The following NDST4 variants were observed in gnomAD, a reference collection of about 807,000 sequenced individuals.
NDST4 encodes the protein N-deacetylase and N-sulfotransferase 4.
In NDST4, 63 loss-of-function variants were observed where a neutral mutation model predicts 100.8. The observed-to-expected ratio is 0.62, with a 90% CI of 0.51 to 0.77. The LOEUF is 0.77. Among genes scored for constraint, NDST4 ranks in the 30% least tolerant of loss-of-function variants. NDST4 has a pLI of 0.00. For synonymous variants in NDST4, 377 were observed against 361.8 expected (o/e 1.04, Z -0.48); for missense variants, 943 against 1,018.4 (o/e 0.93, Z 1.01).
At chr4:114,891,454 G>A (rs1337334854) in intron 6 of NDST4, among the ~76,000 whole-genome samples, 1 of 151,906 alleles carries the variant, frequency 6.6e-6, no homozygotes, top group Admixed American at 6.6e-5. Flanking sequence ...TCCTCCACCA[G>A]ATCAGCCAGT....
intron 2 of NDST4, among the ~76,000 whole-genome samples, chr4:114,981,811 T>TCATG (rs1726780110): frequency 6.6e-6 from 1 of 152,208 alleles, no homozygotes; most frequent in Non-Finnish European, 1.5e-5. Context: ...ATGTGCATAT[T>TCATG]CACATTTTGA....
At chr4:115,018,507 A>G (rs1005331666) in intron 2 of NDST4, among the ~76,000 whole-genome samples, 1 of 151,930 alleles carries the variant, frequency 6.6e-6, no homozygotes, top group African/African-American at 2.4e-5. Context: ...TTTGTTCACC[A>G]ATAGAGTAAA....
At chr4:115,098,408 T>C (rs1467119019) in intron 1 of NDST4, among the ~76,000 whole-genome samples, 1 of 152,132 alleles carries the variant, frequency 6.6e-6, no homozygotes, top group African/African-American at 2.4e-5. Context: ...AGCCAGCAGG[T>C]AGGAGACCAG....
chr4:115,089,411 CTG>C (rs1377756912), intron 1 of NDST4, among the ~76,000 whole-genome samples: 1 of 151,580 alleles, frequency 6.6e-6, no homozygotes, highest in African/African-American at 2.4e-5. Flanking sequence ...AGTTTCATAA[CTG>C]TAAGTTTGCT....
intron 2 of NDST4, among the ~76,000 whole-genome samples, chr4:115,052,156 G>T (rs1187306961): frequency 1.3e-5 from 2 of 151,960 alleles, no homozygotes; most frequent in African/African-American, 4.8e-5. Flanking sequence ...TGAGCTTCCC[G>T]AATATTGATA....
intron 2 of NDST4, among the ~76,000 whole-genome samples, chr4:115,028,566 CAAA>C (rs557583232): frequency 0.046 from 6,029 of 130,498 alleles, 413 homozygotes; most frequent in African/African-American, 0.15. Context: ...AAGAGAATAC[CAAA>C]AAAAAAAAAA....
chr4:114,876,446 T>TATTATTGTG (rs1208470946), intron 6 of NDST4, among the ~76,000 whole-genome samples: 31 of 152,168 alleles, frequency 2.0e-4, no homozygotes, highest in African/African-American at 7.5e-4. Flanking sequence ...TGTCTTTATT[T>TATTATTGTG]TATTCTAAAA....
intron 1 of NDST4, among the ~76,000 whole-genome samples, chr4:115,099,550 G>A (rs889139112): frequency 5.3e-5 from 8 of 152,102 alleles, no homozygotes; most frequent in African/African-American, 1.9e-4. Flanking sequence ...TGGCCATTTA[G>A]GATATGAGAA....
chr4:114,904,599 C>T (rs986334005), intron 6 of NDST4, among the ~76,000 whole-genome samples: 1 of 151,676 alleles, frequency 6.6e-6, no homozygotes, highest in Admixed American at 6.6e-5. Flanking sequence ...GTTTTTGTTG[C>T]ATAGATACTA....
At chr4:114,945,082 G>A (rs1351209869) in intron 4 of NDST4, among the ~76,000 whole-genome samples, 1 of 151,932 alleles carries the variant, frequency 6.6e-6, no homozygotes, top group Admixed American at 6.6e-5. Flanking sequence ...GGTGGCACAT[G>A]CCTGTAATCC....
At chr4:114,979,084 G>T (rs1325349985) in intron 2 of NDST4, among the ~76,000 whole-genome samples, 1 of 151,748 alleles carries the variant, frequency 6.6e-6, no homozygotes, top group Non-Finnish European at 1.5e-5. Context: ...ATGTACTCTG[G>T]TTAAACTTAA....
At chr4:114,870,414 T>A (rs1456427483) in intron 7 of NDST4, among the ~76,000 whole-genome samples, 1 of 152,110 alleles carries the variant, frequency 6.6e-6, no homozygotes, top group Admixed American at 6.6e-5. Context: ...AGGTTTTTAT[T>A]TCCCTAGATA....
chr4:115,111,678 T>C (rs1729955747), intron 1 of NDST4, among the ~76,000 whole-genome samples: 1 of 151,866 alleles, frequency 6.6e-6, no homozygotes, highest in South Asian at 2.1e-4. Flanking sequence ...CTAAATTGGA[T>C]CTAAGGGTGA....
intron 6 of NDST4, among the ~76,000 whole-genome samples, chr4:114,879,105 T>C (rs1009450745): frequency 1.3e-4 from 20 of 152,174 alleles, no homozygotes; most frequent in Non-Finnish European, 8.8e-5. Flanking sequence ...TGATACATCA[T>C]TGTGGAATGA....
chr4:114,974,661 T>G (rs1227800835), intron 3 of NDST4, among the ~76,000 whole-genome samples: 1 of 152,116 alleles, frequency 6.6e-6, no homozygotes, highest in Non-Finnish European at 1.5e-5. Flanking sequence ...CGTGCTTTTA[T>G]TTTTTTCCCA....
At chr4:115,027,737 G>T (rs1476599358) in intron 2 of NDST4, among the ~76,000 whole-genome samples, 1 of 151,868 alleles carries the variant, frequency 6.6e-6, no homozygotes, top group Non-Finnish European at 1.5e-5. Context: ...TTTGAGCATT[G>T]AACTTCTTTG....
intron 1 of NDST4, among the ~76,000 whole-genome samples, chr4:115,090,889 C>T (rs998493997): frequency 2.8e-5 from 4 of 144,464 alleles, no homozygotes; most frequent in Admixed American, 1.4e-4. Context: ...AATTACACAC[C>T]AAATACATTT....
intron 4 of NDST4, among the ~76,000 whole-genome samples, chr4:114,960,226 T>C (rs1726231124): frequency 6.6e-6 from 1 of 152,224 alleles, no homozygotes; most frequent in African/African-American, 2.4e-5. Context: ...ACTGAGAGAA[T>C]ACATTGCCAA....
intron 3 of NDST4, among the ~76,000 whole-genome samples, chr4:114,975,975 TA>T (rs1042997793): frequency 2.0e-5 from 3 of 152,104 alleles, no homozygotes; most frequent in Non-Finnish European, 4.4e-5. Context: ...AACATCCTTT[TA>T]AAATATGAAA....
Sources: allele counts gnomAD v4.1 joint callset (sites outside exome capture counted in the v4.1 genomes callset), GRCh38; gene constraint gnomAD v4.1.1; transcripts MANE v1.5; gene names NCBI Gene and HGNC (gene_info 2026-07-23, HGNC 2026-07-21).